Variants in SHF observed in about 807,000 individuals in gnomAD.
SHF encodes Src homology 2 domain containing F.
In SHF, 30 loss-of-function variants were observed where a neutral mutation model predicts 42.4. The ratio of observed to expected loss-of-function variants is 0.71; its 90% CI spans 0.53 to 0.96. SHF has a LOEUF of 0.96. Ranked by LOEUF, SHF falls within the 40% of genes least tolerant of loss-of-function variation. The probability of loss-of-function intolerance (pLI) is 0.00; values close to 1 mark genes in which losing one functional copy is unlikely to be tolerated. For synonymous variants in SHF, 264 were observed against 269.9 expected (o/e 0.98, Z 0.21); for missense variants, 598 against 634.0 (o/e 0.94, Z 0.61).
At chr15:45,178,400 A>G (rs1187149700) in intron 1 of SHF, 94 bp from the exon 2 acceptor site, 1 of 1,447,028 alleles carries the variant, frequency 6.9e-7, no homozygotes, top group Non-Finnish European at 9.2e-7. Flanking sequence ...AAGAGTCCCA[A>G]GTAGGCTGCC....
intron 1 of SHF, among the ~76,000 whole-genome samples, chr15:45,186,964 G>C (rs1037911726): frequency 6.6e-5 from 10 of 152,246 alleles, no homozygotes; most frequent in African/African-American, 1.9e-4. Context: ...GCTTAGGCTG[G>C]AGAAACAGGA....
chr15:45,179,288 G>C (rs545494260), intron 1 of SHF, among the ~76,000 whole-genome samples: 13 of 152,362 alleles, frequency 8.5e-5, no homozygotes, highest in Non-Finnish European at 4.4e-5. Context: ...CAGGTGATTG[G>C]AACCCATGCC....
chr15:45,199,099 C>A, exon 2 of SHF: 2 of 1,536,806 alleles, frequency 1.3e-6, no homozygotes, highest in Non-Finnish European at 1.8e-6. Context: ...CCAATGCCGC[C>A]TCTGTGGAGA....
At chr15:45,192,634 G>A (rs553326642), upstream of SHF, among the ~76,000 whole-genome samples, 1 of 152,228 alleles carries the variant, frequency 6.6e-6, no homozygotes, top group African/African-American at 2.4e-5. Context: ...GCCTCCCAAA[G>A]TGCTGGGATT....
chr15:45,198,777 G>C, exon 2 of SHF: 1 of 1,608,546 alleles, frequency 6.2e-7, no homozygotes, highest in Non-Finnish European at 8.5e-7. Flanking sequence ...CTTACGGGGC[G>C]AGGTTCCAGC....
chr15:45,179,306 C>G (rs986288817), intron 1 of SHF, among the ~76,000 whole-genome samples: 1 of 152,226 alleles, frequency 6.6e-6, no homozygotes, highest in Non-Finnish European at 1.5e-5. Flanking sequence ...GCCCTTTGTG[C>G]AAAAGGCTGC....
At chr15:45,199,110 T>C (rs1424536998) in exon 2 of SHF, 3 of 1,518,928 alleles carry the variant, frequency 2.0e-6, no homozygotes, top group South Asian at 1.3e-5. Context: ...TCTGTGGAGA[T>C]TGTGGACACC....
At chr15:45,173,309 A>C (rs191066516) in intron 4 of SHF, among the ~76,000 whole-genome samples, 2 of 152,306 alleles carry the variant, frequency 1.3e-5, no homozygotes, top group East Asian at 3.9e-4. Context: ...GGAGCTTGTC[A>C]AGCAAAGCTC....
At chr15:45,200,829 T>G (rs779122267) in exon 1 of SHF, 1 of 456,332 alleles carries the variant, frequency 2.2e-6, no homozygotes, top group South Asian at 1.5e-5. Context: ...GATAGCATGA[T>G]AGTCAGGGCA....
Position 45,187,453 on chromosome 15 carries a change from C to T in SHF, c.498+1G>A. The T allele has an allele frequency of 8.1e-7, 1 of 1,232,654 alleles. No individual in the cohort carries two copies. Among genetic ancestry groups the T allele is most frequent in the Non-Finnish European group, 1.0e-6 (1 of 988,268 alleles). The allele number at this position is 1,232,654 out of a possible 1,614,324, so 76.4% of individuals were successfully genotyped here. A position where few individuals can be genotyped will look rare whatever the true frequency, so the allele number is the denominator to read the frequency against. On this transcript the variant is annotated splice_donor_variant, in intron 1 of 6. Coordinates refer to ENST00000690270, the MANE Select transcript of SHF (RefSeq NM_001394037.1). LOFTEE classifies it high-confidence loss of function. ...CCATCCCGGCCCGGCGCGGCACTCACCCTATCGCTGCTGGCGGGGGGTCCG... is the reference window on the plus strand; with the variant it reads ...CCATCCCGGCCCGGCGCGGCACTCATCCTATCGCTGCTGGCGGGGGGTCCG...
chr15:45,178,431 A>T, intron 1 of SHF, 125 bp from the exon 2 acceptor site: 1 of 1,155,442 alleles, frequency 8.7e-7, no homozygotes, highest in Non-Finnish European at 1.2e-6. Context: ...ACCCCCAGGT[A>T]CTCAAAGGAA....
intron 4 of SHF, among the ~76,000 whole-genome samples, 151 bp from the exon 5 acceptor site, chr15:45,172,469 C>T (rs1897558437): frequency 6.6e-6 from 1 of 152,332 alleles, no homozygotes; most frequent in East Asian, 1.9e-4. Context: ...AAGGGCCTGA[C>T]TGGCTCTGGG....
intron 1 of SHF, among the ~76,000 whole-genome samples, chr15:45,182,256 G>T (rs964357615): frequency 7.2e-5 from 11 of 152,226 alleles, no homozygotes; most frequent in African/African-American, 2.4e-4. Context: ...GCTCTGGAAG[G>T]TCCCCAAAGT....
chr15:45,191,676 A>C (rs1157482778), upstream of SHF, among the ~76,000 whole-genome samples: 1 of 152,216 alleles, frequency 6.6e-6, no homozygotes, highest in Non-Finnish European at 1.5e-5. Context: ...TATACACATA[A>C]TTTTATATCT....
intron 6 of SHF, chr15:45,171,624 C>A (rs1209797132): frequency 1.9e-6 from 1 of 535,954 alleles, no homozygotes; most frequent in South Asian, 2.5e-5. Flanking sequence ...AAACTGAGGC[C>A]TAGAGAGGTT....
chr15:45,199,088 C>G, exon 2 of SHF: 1 of 1,553,424 alleles, frequency 6.4e-7, no homozygotes, highest in Non-Finnish European at 8.7e-7. Flanking sequence ...CCAGCGGTGA[C>G]CCAATGCCGC....
rs1897293389 is a variant in SHF, at chr15:45,167,642, G to C, written c.*305C>G. 4.2e-6 allele frequency: 1 copy of C among 236,844 alleles called. No homozygotes were observed. Among genetic ancestry groups the C allele is most frequent in the African/African-American group, 2.2e-5 (1 of 44,546 alleles). 14.7% of individuals were successfully genotyped at this position (236,844 alleles called of 1,614,324 possible). ...GTGGAGGTCACCACCTCTGCCCTAA[G>C]GTCGGAAAGGAGCCGGAGCTGCCAG... is the stretch of plus-strand genomic sequence containing the variant. On this transcript the variant is annotated 3_prime_UTR_variant, in exon 7 of 7. Transcript: ENST00000690270.
chr15:45,175,495 C>G, intron 2 of SHF, 70 bp from the exon 3 acceptor site: 1 of 1,484,112 alleles, frequency 6.7e-7, no homozygotes. Context: ...TCCTCCAATG[C>G]TTCTCAGCAA....
At chr15:45,198,762 G>C in intron 2 of SHF, 1 of 1,604,196 alleles carries the variant, frequency 6.2e-7, no homozygotes, top group Non-Finnish European at 8.5e-7. Context: ...TCATTAAATG[G>C]CCTACTTACG....
Sources: gnomAD v4.1 joint callset for allele counts (sites outside exome capture counted in the v4.1 genomes callset) on GRCh38, gnomAD v4.1.1 for gene constraint, MANE v1.5 for transcripts, NCBI Gene and HGNC (gene_info 2026-07-23, HGNC 2026-07-21) for gene names.